Variants in WTIP observed in about 807,000 individuals in gnomAD.
The protein encoded by WTIP is WT1 interacting protein, also known as Wilms tumor protein 1-interacting protein.
WTIP carries 23 observed loss-of-function variants against 41.7 expected under a neutral mutation model. The ratio of observed to expected loss-of-function variants is 0.55; its 90% CI spans 0.40 to 0.78. The LOEUF is 0.78. Ranked by LOEUF, WTIP falls within the 30% of genes least tolerant of loss-of-function variation. The pLI is 0.00. For missense variants in WTIP, 619 were observed against 610.5 expected (o/e 1.01, Z -0.15); for synonymous variants, 314 against 269.9 (o/e 1.16, Z -1.60).
At chr19:34,486,046 C>G (rs1446314029) in intron 1 of WTIP, among the ~76,000 whole-genome samples, 2 of 152,176 alleles carry the variant, frequency 1.3e-5, no homozygotes, top group Non-Finnish European at 2.9e-5. Flanking sequence ...CAGCCAACAG[C>G]CTTGGGCTTC....
intron 5 of WTIP, 81 bp from the exon 6 acceptor site, chr19:34,494,505 G>A: frequency 7.0e-7 from 1 of 1,420,854 alleles, no homozygotes. Context: ...ACGTCAGTGG[G>A]TTCCTGTGGG....
At chr19:34,483,257 C>CA (rs1437676248) in intron 1 of WTIP, among the ~76,000 whole-genome samples, 13 of 147,734 alleles carry the variant, frequency 8.8e-5, no homozygotes, top group Non-Finnish European at 1.8e-4. Flanking sequence ...CTCCTGGGCT[C>CA]AAGCGATCCG....
chr19:34,487,887 G>A (rs565778025), intron 1 of WTIP, among the ~76,000 whole-genome samples: 4 of 152,306 alleles, frequency 2.6e-5, no homozygotes, highest in African/African-American at 7.2e-5. Context: ...CTTGCCTACT[G>A]TCTGGGTTTC....
Position 34,501,625 on chromosome 19 carries a change from T to C in WTIP, c.*1356T>C, listed in dbSNP as rs1469461251. The C allele has an allele frequency of 1.3e-5, 2 of 152,370 alleles. No individual in the cohort carries two copies. The highest frequency in any genetic ancestry group is 2.9e-5 in the Non-Finnish European group (2 of 68,180). The allele number at this position is 152,370 out of a possible 1,614,324, so 9.4% of individuals were successfully genotyped here. A position where few individuals can be genotyped will look rare whatever the true frequency, so the allele number is the denominator to read the frequency against. Reference sequence around the variant, plus strand: ...AATCACTCGCGGGGCTGGGCTAGGCTCCGGGAACCAGCAGGGCTGTCCAGG... The same window carrying C: ...AATCACTCGCGGGGCTGGGCTAGGCCCCGGGAACCAGCAGGGCTGTCCAGG... On this transcript the variant is annotated 3_prime_UTR_variant, in exon 8 of 8. Coordinates refer to ENST00000590071, the MANE Select transcript of WTIP (RefSeq NM_001080436.2).
Position 34,493,736 on chromosome 19 carries a change from C to T in WTIP, c.1031+114C>T, listed in dbSNP as rs142276720. ...CCTTTGTTCTTGGCCTTTTGCCTTCCGCCTCCCCTTGTACACCTGGGCTTG... is the reference window on the plus strand; with the variant it reads ...CCTTTGTTCTTGGCCTTTTGCCTTCTGCCTCCCCTTGTACACCTGGGCTTG... On this transcript the variant is annotated intron_variant, in intron 5 of 7. Transcript: ENST00000590071. The surrounding 1 kb of genome is among the most constrained non-coding windows in gnomAD (Gnocchi z 4.1). The T allele has an allele frequency of 6.1e-4, 888 of 1,444,712 alleles. 8 individuals are homozygous for T. In the African/African-American group the frequency reaches 0.011, roughly 18 times the overall value. 89.5% of individuals were successfully genotyped at this position (1,444,712 alleles called of 1,614,324 possible).
At chr19:34,495,374 GC>G (rs1369355072) in intron 6 of WTIP, among the ~76,000 whole-genome samples, 1 of 152,152 alleles carries the variant, frequency 6.6e-6, no homozygotes. Context: ...TCCAGCATGG[GC>G]AACAGAGAGA....
rs1330623236 is a variant in WTIP at position 34,500,499 on chromosome 19, AC to A, written c.*231del. 3.5e-6 allele frequency: 2 copies of A among 577,160 alleles called. No individual in the cohort carries two copies. The highest frequency in any genetic ancestry group is 3.8e-5 in the African/African-American group (2 of 53,196). The allele number at this position is 577,160 out of a possible 1,614,324, so 35.8% of individuals were successfully genotyped here. On this transcript the variant is annotated 3_prime_UTR_variant, in exon 8 of 8. Transcript: ENST00000590071. ...CCACCCACCCCATCACCAGCTTTCC[AC>A]TTGGAGGCCCCCTGTGCCCTGCAGC...
At chr19:34,497,546 T>C (rs975995356) in intron 7 of WTIP, among the ~76,000 whole-genome samples, 1 of 152,064 alleles carries the variant, frequency 6.6e-6, no homozygotes, top group Admixed American at 6.6e-5. Flanking sequence ...TCAGGATAGC[T>C]CAGGGAGCAC....
At position 34,501,687 on chromosome 19, in the gene WTIP, AG is replaced by A. The variant is rs2075887574; in HGVS notation, c.*1421del. The A allele has an allele frequency of 6.6e-6, 1 of 152,366 alleles. No homozygotes were observed. Among genetic ancestry groups the A allele is most frequent in the South Asian group, 2.1e-4 (1 of 4,838 alleles). 9.4% of individuals were successfully genotyped at this position (152,366 alleles called of 1,614,324 possible). The stretch of plus-strand genomic sequence containing the variant: ...GGAACAAACACCAGGAGGCGCCCGC[AG>A]GGAAGTGGCGGCTTCGGAGTCCAGC... On this transcript the variant is annotated 3_prime_UTR_variant, in exon 8 of 8. Transcript: ENST00000590071.
intron 1 of WTIP, among the ~76,000 whole-genome samples, chr19:34,482,896 G>T (rs902569946): frequency 6.6e-6 from 1 of 152,118 alleles, no homozygotes; most frequent in Non-Finnish European, 1.5e-5. Context: ...GGTTCTGGCC[G>T]AGTGAGTTGA....
rs1465277847 is a variant in WTIP, at chr19:34,481,970, G to GGGCCA, written c.-4_1dup. ...GGTGACGCGCCAGGGCCGGCGGGCC[G>GGGCCA]GGCCATGCAGCGCTCCAGGGCGGGC... On this transcript the variant is annotated 5_prime_UTR_variant, in exon 1 of 8. Coordinates refer to ENST00000590071, the MANE Select transcript of WTIP (RefSeq NM_001080436.2). The GGGCCA allele has an allele frequency of 7.0e-6, 7 of 1,004,086 alleles. No individual in the cohort carries two copies. In the African/African-American group the frequency reaches 8.7e-5, roughly 13 times the overall value. 62.2% of individuals were successfully genotyped at this position (1,004,086 alleles called of 1,614,324 possible). A position where few individuals can be genotyped will look rare whatever the true frequency, so the allele number is the denominator to read the frequency against.
At chr19:34,490,307 CG>C in intron 1 of WTIP, 68 bp from the exon 2 acceptor site, 3 of 1,471,746 alleles carry the variant, frequency 2.0e-6, no homozygotes, top group Non-Finnish European at 2.8e-6. Flanking sequence ...GGTGTCAAGA[CG>C]GGGAGTCCGT....
rs759630146 is a variant in WTIP at position 34,500,302 on chromosome 19, G to A, written c.*33G>A. The A allele has an allele frequency of 7.0e-6, 11 of 1,567,536 alleles. No homozygotes were observed. Among genetic ancestry groups the A allele is most frequent in the African/African-American group, 1.3e-5 (1 of 74,466 alleles). ...AAAACCCGTCCCTGGGCCGGGGTGGGTGTGGGTGTGGAGGGAGGGCCCGCG... is the reference window on the plus strand; with the variant it reads ...AAAACCCGTCCCTGGGCCGGGGTGGATGTGGGTGTGGAGGGAGGGCCCGCG... On this transcript the variant is annotated 3_prime_UTR_variant, in exon 8 of 8. Coordinates refer to ENST00000590071, the MANE Select transcript of WTIP (RefSeq NM_001080436.2).
chr19:34,482,133 G>T lies in WTIP; in HGVS notation c.159G>T (p.Gly53=), dbSNP rs2075770165. 4 of 1,056,496 alleles carry T rather than the reference G, an allele frequency of 3.8e-6. No individual in the cohort carries two copies. The highest frequency in any genetic ancestry group is 4.6e-6 in the Non-Finnish European group (4 of 877,704). 65.4% of individuals were successfully genotyped at this position (1,056,496 alleles called of 1,614,324 possible). ...DEAAPALGRR[G]KGSGGPEAGA... ...CGGCGCCCGCGCTGGGCCGCAGAGGGAAGGGCAGCGGCGGCCCCGAGGCCG... is the reference window on the plus strand; with the variant it reads ...CGGCGCCCGCGCTGGGCCGCAGAGGTAAGGGCAGCGGCGGCCCCGAGGCCG... Residue 53 remains glycine (G), a synonymous_variant, in exon 1 of 8, where the codon GGG becomes GGT. Coordinates refer to ENST00000590071, the MANE Select transcript of WTIP (RefSeq NM_001080436.2).
chr19:34,492,073 C>T (rs1599956716), intron 2 of WTIP, among the ~76,000 whole-genome samples: 2 of 150,228 alleles, frequency 1.3e-5, no homozygotes, highest in East Asian at 4.0e-4. Context: ...TCCTATAGTG[C>T]ATACTCTTTA....
At chr19:34,499,952 C>T (rs908147770) in intron 7 of WTIP, among the ~76,000 whole-genome samples, 177 bp from the exon 8 acceptor site, 6 of 152,158 alleles carry the variant, frequency 3.9e-5, no homozygotes, top group African/African-American at 1.4e-4. Context: ...CCAGCCGCCT[C>T]AGCCTCCCAA....
At chr19:34,486,509 A>C (rs2075798159) in intron 1 of WTIP, among the ~76,000 whole-genome samples, 1 of 151,784 alleles carries the variant, frequency 6.6e-6, no homozygotes, top group Admixed American at 6.6e-5. Flanking sequence ...CTGGGATTAG[A>C]GGTGCCCACC....
At chr19:34,482,998 T>C (rs199682333) in intron 1 of WTIP, among the ~76,000 whole-genome samples, 2,066 of 137,014 alleles carry the variant, frequency 0.015, 24 homozygotes, top group South Asian at 0.025. Context: ...TTTTTTTTTT[T>C]CTTTCTTCTT....
intron 1 of WTIP, among the ~76,000 whole-genome samples, chr19:34,483,346 G>T (rs1046947666): frequency 2.6e-5 from 4 of 151,958 alleles, no homozygotes; most frequent in African/African-American, 9.7e-5. Flanking sequence ...CTTTGCGTTT[G>T]GTGCTCTCAT....
Sources: allele counts gnomAD v4.1 joint callset (sites outside exome capture counted in the v4.1 genomes callset), GRCh38; gene constraint gnomAD v4.1.1; non-coding constraint Gnocchi (gnomAD v3.1); transcripts MANE v1.5; gene names NCBI Gene and HGNC (gene_info 2026-07-23, HGNC 2026-07-21).